ARHGEF10: variants seen among roughly 807,000 people sequenced by gnomAD.
ARHGEF10 encodes Rho guanine nucleotide exchange factor (GEF) 10.
ARHGEF10 carries 140 observed loss-of-function variants against 147.4 expected under a neutral mutation model. That is an observed-to-expected ratio of 0.95 (90% CI 0.83 to 1.09). The LOEUF is 1.09. ARHGEF10 is among the 50% of genes least tolerant of loss of function. The pLI is 0.00. For synonymous variants in ARHGEF10, 902 were observed against 695.8 expected, an observed-to-expected ratio of 1.30 and a Z score of -4.67; for missense variants, 2,222 against 1,752.7, an observed-to-expected ratio of 1.27 and a Z score of -4.78.
intron 28 of ARHGEF10, 70 bp downstream of exon 28, chr8:1,952,897 T>G: frequency 4.4e-6 from 7 of 1,603,650 alleles, no homozygotes; most frequent in Non-Finnish European, 6.0e-6. Context: ...CAGTGTGTAG[T>G]GTGATTTAAC....
chr8:1,916,292 C>T (rs757869692), intron 18 of ARHGEF10, among the ~76,000 whole-genome samples: 3 of 152,216 alleles, frequency 2.0e-5, no homozygotes, highest in Non-Finnish European at 2.9e-5. Flanking sequence ...ACACGTGTGT[C>T]CTACTACACA....
At position 1,950,515 on chromosome 8, in the gene ARHGEF10, T is replaced by G. The variant is rs183958669; in HGVS notation, c.3398-2190T>G. Among the ~76,000 whole-genome samples, 17 of 151,578 alleles carry G rather than the reference T, an allele frequency of 1.1e-4. No individual in the cohort carries two copies. The East Asian group carries it at 3.3e-3, about 29-fold the overall frequency. ...TCGGGTTTCTACCTGCTTTTACCCT[T>G]TTTATTATTTATTTATTTATTTATT... On this transcript the variant is annotated intron_variant, in intron 27 of 28. Coordinates refer to ENST00000349830, the MANE Select transcript of ARHGEF10 (RefSeq NM_014629.4).
chr8:1,866,568 G>A lies in ARHGEF10; in HGVS notation c.588G>A (p.Trp196Ter), dbSNP rs1225951895. 1.2e-6 allele frequency: 2 copies of A among 1,608,472 alleles called. No individual in the cohort carries two copies. Among genetic ancestry groups the A allele is most frequent in the African/African-American group, 1.3e-5 (1 of 74,920 alleles). Residue 196 changes from tryptophan to a stop codon, truncating the protein, a stop_gained, in exon 6 of 29, where the codon TGG becomes TGA. Transcript: ENST00000349830. LOFTEE classifies it high-confidence loss of function. ...VGREDSALAR[W>*]AADPANTAWM... ...GAGAGGACAGCGCACTTGCCCGCTG[G>A]GCCGCAGACCCGGCCAACACAGCCT...
intron 14 of ARHGEF10, among the ~76,000 whole-genome samples, chr8:1,897,416 C>G (rs550413232): frequency 6.7e-6 from 1 of 150,236 alleles, no homozygotes; most frequent in Non-Finnish European, 1.5e-5. Context: ...CAGCTGTGGG[C>G]TCTGTCCTAA....
intron 6 of ARHGEF10, 117 bp downstream of exon 6, chr8:1,866,719 T>C: frequency 9.9e-7 from 1 of 1,011,784 alleles, no homozygotes; most frequent in South Asian, 1.3e-5. Context: ...AAAAAGATGT[T>C]TATTTACTGA....
intron 2 of ARHGEF10, among the ~76,000 whole-genome samples, chr8:1,847,128 G>A (rs138090850): frequency 6.6e-6 from 1 of 152,146 alleles, no homozygotes; most frequent in African/African-American, 2.4e-5. Context: ...AAGGGGAAGT[G>A]GTGTTGGAGA....
Position 1,851,281 on chromosome 8 carries a change from C to T in ARHGEF10, c.38-6679C>T, listed in dbSNP as rs1776468517. Among the ~76,000 whole-genome samples the T allele has an allele frequency of 2.0e-5, 3 of 151,358 alleles. No homozygotes were observed. In the South Asian group the frequency reaches 6.2e-4, roughly 31 times the overall value. ...GCACACCGTGGGCTTTAGTTAGCGA[C>T]GTACCTCAGTGTTGGCTCCTCACAC... On this transcript the variant is annotated intron_variant, in intron 2 of 28. Coordinates refer to ENST00000349830, the MANE Select transcript of ARHGEF10 (RefSeq NM_014629.4).
At chr8:1,946,464 A>G (rs1215636496) in intron 27 of ARHGEF10, among the ~76,000 whole-genome samples, 1 of 152,140 alleles carries the variant, frequency 6.6e-6, no homozygotes, top group Non-Finnish European at 1.5e-5. Context: ...GGTTTCTGGG[A>G]GGATCTGCTT....
chr8:1,923,920 A>C (rs1265244477), intron 21 of ARHGEF10, 46 bp downstream of exon 21: 1 of 1,569,120 alleles, frequency 6.4e-7, no homozygotes, highest in Admixed American at 1.7e-5. Context: ...CGGCGTGATG[A>C]TGAATTCCTG....
Position 1,906,866 on chromosome 8 carries a change from C to T in ARHGEF10, c.1967+1150C>T, listed in dbSNP as rs532514566. On this transcript the variant is annotated intron_variant, in intron 17 of 28. Coordinates refer to ENST00000349830, the MANE Select transcript of ARHGEF10 (RefSeq NM_014629.4). The stretch of plus-strand genomic sequence containing the variant: ...GGTTTTCATTGTTGCTTTTCATCAT[C>T]GTCAGTGACTTTGTGGCAGCTACAA... Among the ~76,000 whole-genome samples the T allele has an allele frequency of 6.6e-4, 101 of 152,328 alleles. No homozygotes were observed. The South Asian group carries it at 0.016, about 24-fold the overall frequency.
intron 2 of ARHGEF10, among the ~76,000 whole-genome samples, chr8:1,856,921 A>G (rs1339084532): frequency 1.3e-5 from 2 of 152,180 alleles, no homozygotes; most frequent in East Asian, 3.9e-4. Context: ...GTGTTGTCCC[A>G]GCACATGGGT....
In ARHGEF10 at chr8:1,925,379, T is replaced by C; in HGVS notation, c.2585T>C (p.Met862Thr). The C allele has an allele frequency of 1.2e-6, 2 of 1,614,124 alleles. No individual in the cohort carries two copies. The highest frequency in any genetic ancestry group is 1.1e-5 in the South Asian group (1 of 91,084). Residue 862 changes from methionine to threonine, a missense_variant, in exon 22 of 29, where the codon ATG (methionine) becomes ACG (threonine). Coordinates refer to ENST00000349830, the MANE Select transcript of ARHGEF10 (RefSeq NM_014629.4). ...CTCCTCGTCGGACACATGCCCGTGA[T>C]GGTGGCCAAGCAGCAGGAGTTCAAG... The part of the protein sequence containing the change: ...HPLLVGHMPV[M>T]VAKQQEFKIE...
At chr8:1,935,579 C>G (rs536063138) in intron 26 of ARHGEF10, among the ~76,000 whole-genome samples, 52 of 152,302 alleles carry the variant, frequency 3.4e-4, no homozygotes, top group African/African-American at 1.2e-3. Flanking sequence ...ACCGCGGGGT[C>G]TTAGGGCAGC....
chr8:1,912,281 G>A (rs1207747377), intron 18 of ARHGEF10, among the ~76,000 whole-genome samples: 1 of 152,132 alleles, frequency 6.6e-6, no homozygotes, highest in Non-Finnish European at 1.5e-5. Flanking sequence ...GACTCAGCAG[G>A]AAGCTCGCCG....
chr8:1,945,413 G>A (rs766473005), intron 26 of ARHGEF10, 68 bp from the exon 27 acceptor site: 38 of 1,543,810 alleles, frequency 2.5e-5, no homozygotes, highest in South Asian at 4.8e-5. Context: ...TGGACGCCAC[G>A]TGGACCCAAC....
chr8:1,926,645 A>G, intron 23 of ARHGEF10, 182 bp downstream of exon 23: 1 of 668,828 alleles, frequency 1.5e-6, no homozygotes, highest in Non-Finnish European at 2.7e-6. Context: ...AAAGATTTAC[A>G]GTTCTTAGGA....
At chr8:1,873,507 T>C (rs1366278229) in intron 7 of ARHGEF10, among the ~76,000 whole-genome samples, 1 of 112,998 alleles carries the variant, frequency 8.8e-6, no homozygotes, top group Non-Finnish European at 1.8e-5. Flanking sequence ...CCGCATTTCC[T>C]CGTTTGAGAG....
chr8:1,937,047 C>T lies in ARHGEF10; in HGVS notation c.3222+3105C>T, dbSNP rs756496813. 2.0e-5 allele frequency among the ~76,000 whole-genome samples: 3 copies of T among 152,204 alleles called. No individual in the cohort carries two copies. The highest frequency in any genetic ancestry group is 4.4e-5 in the Non-Finnish European group (3 of 68,040). ...CCGTGGATCATGAATAGCATTCCCG[C>T]GTGAGTCTTTTTTTGACACAGCCTC... On this transcript the variant is annotated intron_variant, in intron 26 of 28. Coordinates refer to ENST00000349830, the MANE Select transcript of ARHGEF10 (RefSeq NM_014629.4). The surrounding 1 kb of genome is among the most constrained non-coding windows in gnomAD (Gnocchi z 4.9).
intron 25 of ARHGEF10, among the ~76,000 whole-genome samples, chr8:1,932,597 A>G (rs1269780847): frequency 1.3e-5 from 2 of 152,214 alleles, no homozygotes; most frequent in African/African-American, 2.4e-5. Context: ...CTGTGCAGAT[A>G]TTACAAAGGA....
Sources: gnomAD v4.1 joint callset for allele counts (sites outside exome capture counted in the v4.1 genomes callset) on GRCh38, gnomAD v4.1.1 for gene constraint, Gnocchi (gnomAD v3.1) non-coding constraint, MANE v1.5 for transcripts, NCBI Gene and HGNC (gene_info 2026-07-23, HGNC 2026-07-21) for gene names.